Variants in LIPC observed in about 807,000 individuals in gnomAD.
LIPC encodes the protein hepatic triacylglycerol lipase.
LIPC carries 44 observed loss-of-function variants against 50.7 expected under a neutral mutation model. That is an observed-to-expected ratio of 0.87 (90% CI 0.68 to 1.11). The LOEUF is 1.11. Among genes scored for constraint, LIPC ranks in the 50% most tolerant of loss-of-function variants. The pLI is 0.00. For synonymous variants in LIPC, 271 were observed against 256.4 expected (o/e 1.06, Z -0.54); for missense variants, 697 against 648.2 (o/e 1.08, Z -0.82).
At chr15:58,550,174 A>G (rs889237094) in intron 6 of LIPC, among the ~76,000 whole-genome samples, 1 of 150,966 alleles carries the variant, frequency 6.6e-6, no homozygotes, top group Non-Finnish European at 1.5e-5. Flanking sequence ...ATTTTTAAAA[A>G]CTCCTAAACC....
chr15:58,530,817 C>G (rs1374326103), intron 1 of LIPC, among the ~76,000 whole-genome samples: 1 of 152,188 alleles, frequency 6.6e-6, no homozygotes, highest in Non-Finnish European at 1.5e-5. Context: ...TTAGATGTAT[C>G]CATGTTCTGG....
intron 1 of LIPC, among the ~76,000 whole-genome samples, chr15:58,501,118 T>C (rs1215401069): frequency 1.3e-5 from 2 of 152,096 alleles, no homozygotes; most frequent in Non-Finnish European, 2.9e-5. Flanking sequence ...TGGGTCCTGC[T>C]GACTCCACCT....
intron 1 of LIPC, chr15:58,432,451 A>C: frequency 2.9e-6 from 1 of 345,630 alleles, no homozygotes; most frequent in Non-Finnish European, 5.5e-6. Context: ...CTGAGAGTTA[A>C]TGTGGCATCT....
At chr15:58,495,175 T>C (rs1438208911) in intron 1 of LIPC, among the ~76,000 whole-genome samples, 1 of 152,196 alleles carries the variant, frequency 6.6e-6, no homozygotes, top group Non-Finnish European at 1.5e-5. Context: ...GGGGTGCTGA[T>C]CCCGACTCTC....
intron 1 of LIPC, among the ~76,000 whole-genome samples, chr15:58,491,672 G>A (rs531792748): frequency 1.3e-5 from 2 of 152,308 alleles, no homozygotes; most frequent in African/African-American, 4.8e-5. Flanking sequence ...CTTCACAGTC[G>A]TACTTTTATT....
At chr15:58,483,632 C>T (rs1277378636) in intron 1 of LIPC, among the ~76,000 whole-genome samples, 1 of 152,144 alleles carries the variant, frequency 6.6e-6, no homozygotes, top group Non-Finnish European at 1.5e-5. Context: ...TAGAAAGATA[C>T]TTCATCTATT....
chr15:58,485,914 G>A lies in LIPC; in HGVS notation c.89-52419G>A, dbSNP rs148132452. ...ATTCTGTGGGCTGTGTGAGGACGTC[G>A]GCAAGGGAACAGACTAAGATGGCTA... On this transcript the variant is annotated intron_variant, in intron 1 of 8. Transcript: ENST00000299022. Among the ~76,000 whole-genome samples the A allele has an allele frequency of 2.8e-3, 424 of 152,262 alleles. 2 individuals are homozygous for A. The highest frequency in any genetic ancestry group is 9.3e-3 in the African/African-American group (386 of 41,544).
intron 1 of LIPC, among the ~76,000 whole-genome samples, chr15:58,475,156 C>A (rs1890948731): frequency 1.3e-5 from 2 of 152,202 alleles, no homozygotes; most frequent in Non-Finnish European, 2.9e-5. Context: ...TTTCTCCTGT[C>A]TGTCTCTCAA....
chr15:58,485,444 G>A (rs114398227), intron 1 of LIPC, among the ~76,000 whole-genome samples: 3,001 of 152,226 alleles, frequency 0.02, 99 homozygotes, highest in African/African-American at 0.066. Context: ...AAAGTCCCGT[G>A]CAACAGCCAC....
chr15:58,550,680 A>G lies in LIPC; in HGVS notation c.1051+2108A>G, dbSNP rs200377415. Among the ~76,000 whole-genome samples, 17 of 152,014 alleles carry G rather than the reference A, an allele frequency of 1.1e-4. No homozygotes were observed. The East Asian group carries it at 2.7e-3, about 24-fold the overall frequency. On this transcript the variant is annotated intron_variant, in intron 6 of 8. Coordinates refer to ENST00000299022, the MANE Select transcript of LIPC (RefSeq NM_000236.3). ...CATTTGTGTCTCTTTATTACCGACT[A>G]CTTATCTTGCTCCTGGGACATCTAG...
chr15:58,521,182 C>G (rs957808996), intron 1 of LIPC: 4 of 152,168 alleles, frequency 2.6e-5, no homozygotes, highest in Non-Finnish European at 4.4e-5. Flanking sequence ...TCTCCCCTTC[C>G]CCCTGGTATT....
At chr15:58,539,904 C>T (rs1298465418) in intron 2 of LIPC, among the ~76,000 whole-genome samples, 9 of 152,164 alleles carry the variant, frequency 5.9e-5, no homozygotes, top group Non-Finnish European at 2.9e-5. Flanking sequence ...TCCTGCAAGC[C>T]ATTGCTGCCT....
intron 1 of LIPC, among the ~76,000 whole-genome samples, chr15:58,449,644 C>G (rs687016): frequency 0.98 from 149,449 of 152,118 alleles, 73,468 homozygotes; most frequent in Middle Eastern, 1. Flanking sequence ...CCGCCTCCAG[C>G]TTCTCCTGCC....
chr15:58,484,103 C>A (rs1375635386), intron 1 of LIPC, among the ~76,000 whole-genome samples: 1 of 152,042 alleles, frequency 6.6e-6, no homozygotes. Context: ...CTGGCTCTAT[C>A]TTTTTGGCCT....
intron 1 of LIPC, chr15:58,497,850 A>C (rs1891828392): frequency 6.6e-6 from 1 of 152,220 alleles, no homozygotes; most frequent in Admixed American, 6.5e-5. Context: ...CCATGGAGCC[A>C]ATGGAGCTTA....
In LIPC at chr15:58,560,859, T is replaced by A. The variant is rs1293845679; in HGVS notation, c.1052-5T>A. The A allele has an allele frequency of 2.1e-6, 2 of 962,692 alleles. No individual in the cohort carries two copies. The highest frequency in any genetic ancestry group is 2.6e-5 in the South Asian group (2 of 77,858). 59.6% of individuals were successfully genotyped at this position (962,692 alleles called of 1,614,324 possible). ...CTCTCTTTCTCTCTCTGTCTCTCTCTCTAGTTTATCATTACCAGTTCAAGA... is the reference window on the plus strand; with the variant it reads ...CTCTCTTTCTCTCTCTGTCTCTCTCACTAGTTTATCATTACCAGTTCAAGA... On this transcript the variant is annotated splice_polypyrimidine_tract_variant and splice_region_variant and intron_variant, in intron 6 of 8. Coordinates refer to ENST00000299022, the MANE Select transcript of LIPC (RefSeq NM_000236.3).
At chr15:58,523,440 C>A (rs1351150131) in intron 1 of LIPC, 1 of 152,220 alleles carries the variant, frequency 6.6e-6, no homozygotes, top group African/African-American at 2.4e-5. Context: ...GCTAGACAGA[C>A]ACGTAAGCCA....
intron 1 of LIPC, chr15:58,435,044 A>G (rs188792009): frequency 2.3e-3 from 351 of 152,348 alleles, no homozygotes; most frequent in African/African-American, 8.0e-3. Flanking sequence ...GTGAGATATC[A>G]ATATTTCCTT....
chr15:58,459,512 C>A (rs1894260772), intron 1 of LIPC, among the ~76,000 whole-genome samples: 1 of 151,936 alleles, frequency 6.6e-6, no homozygotes, highest in Non-Finnish European at 1.5e-5. Flanking sequence ...AGGAAACCAG[C>A]AGTTTCTGGA....
Sources: allele counts gnomAD v4.1 joint callset (sites outside exome capture counted in the v4.1 genomes callset), GRCh38; gene constraint gnomAD v4.1.1; transcripts MANE v1.5; gene names NCBI Gene and HGNC (gene_info 2026-07-23, HGNC 2026-07-21).